Variants in GRIK1 observed in about 807,000 individuals in gnomAD.
GRIK1 encodes glutamate receptor ionotropic, kainate 1.
GRIK1 carries 69 observed loss-of-function variants against 105.7 expected under a neutral mutation model. The observed-to-expected ratio is 0.65, with a 90% CI of 0.54 to 0.80. The LOEUF (loss-of-function observed/expected upper bound fraction) is 0.80. GRIK1 is among the 30% of genes least tolerant of loss of function. GRIK1 has a pLI of 0.00. For missense variants in GRIK1, 1,109 were observed against 1,167.3 expected, an observed-to-expected ratio of 0.95 and a Z score of 0.73; for synonymous variants, 438 against 431.3, an observed-to-expected ratio of 1.02 and a Z score of -0.19.
At chr21:29,814,940 A>C (rs2067115218) in intron 1 of GRIK1, among the ~76,000 whole-genome samples, 1 of 152,116 alleles carries the variant, frequency 6.6e-6, no homozygotes, top group Non-Finnish European at 1.5e-5. Flanking sequence ...TGCAATCTTG[A>C]CCTGGTCACT....
At chr21:29,893,919 C>T (rs929825570) in intron 1 of GRIK1, among the ~76,000 whole-genome samples, 1 of 152,136 alleles carries the variant, frequency 6.6e-6, no homozygotes, top group Non-Finnish European at 1.5e-5. Flanking sequence ...GCAAACCCTT[C>T]AGGGAGGTGA....
chr21:29,609,186 T>G (rs920358162), intron 7 of GRIK1, among the ~76,000 whole-genome samples: 1 of 151,474 alleles, frequency 6.6e-6, no homozygotes, highest in African/African-American at 2.4e-5. Context: ...TTTACATATC[T>G]TATTAAAAGA....
At chr21:29,863,621 C>G (rs1382268001) in intron 1 of GRIK1, among the ~76,000 whole-genome samples, 1 of 152,108 alleles carries the variant, frequency 6.6e-6, no homozygotes, top group Non-Finnish European at 1.5e-5. Flanking sequence ...ACTTAGAAAC[C>G]ACGGACCTGC....
At chr21:29,721,601 C>CAA (rs140389060) in intron 1 of GRIK1, among the ~76,000 whole-genome samples, 2,308 of 137,230 alleles carry the variant, frequency 0.017, 59 homozygotes, top group African/African-American at 0.056. Context: ...GAATACATAC[C>CAA]AAAAAAAAAA....
At chr21:29,581,258 T>C (rs952255304) in intron 13 of GRIK1, among the ~76,000 whole-genome samples, 167 bp downstream of exon 13, 1 of 152,184 alleles carries the variant, frequency 6.6e-6, no homozygotes, top group East Asian at 1.9e-4. Flanking sequence ...ATATAGGTCA[T>C]TGGTTTTGCT....
At chr21:29,915,878 G>A (rs922363928) in intron 1 of GRIK1, among the ~76,000 whole-genome samples, 3 of 151,878 alleles carry the variant, frequency 2.0e-5, no homozygotes, top group Non-Finnish European at 4.4e-5. Context: ...TGTGGATCCT[G>A]AAAATTATTT....
chr21:29,872,841 C>T (rs948583091), intron 1 of GRIK1, among the ~76,000 whole-genome samples: 1 of 152,116 alleles, frequency 6.6e-6, no homozygotes, highest in Non-Finnish European at 1.5e-5. Flanking sequence ...CCACTGGGTC[C>T]CTTCCATGAC....
rs7279392 is a variant in GRIK1, at chr21:29,633,642, A to G, written c.1098+9184T>C. On this transcript the variant is annotated intron_variant, in intron 7 of 17. Transcript: ENST00000327783. Reference sequence around the variant, plus strand: ...CAAAACCTATGTAATTGGTAAAAATATAAACGATGAACCTTTAGAAACTAA... The same window carrying G: ...CAAAACCTATGTAATTGGTAAAAATGTAAACGATGAACCTTTAGAAACTAA... Among the ~76,000 whole-genome samples, 703 of 152,348 alleles carry G rather than the reference A, an allele frequency of 4.6e-3. 5 individuals carry two copies. Among genetic ancestry groups the G allele is most frequent in the African/African-American group, 0.016 (667 of 41,582 alleles).
chr21:29,587,689 C>G lies in GRIK1; in HGVS notation c.1570-100G>C, dbSNP rs150214906. On this transcript the variant is annotated intron_variant, in intron 11 of 17. Coordinates refer to ENST00000327783, the MANE Select transcript of GRIK1 (RefSeq NM_001330994.2). ...TGATTCTTATTCTCAACTCTAAATGCTTCTCATTCATGAAGCTCCTGTGAT... is the reference window on the plus strand; with the variant it reads ...TGATTCTTATTCTCAACTCTAAATGGTTCTCATTCATGAAGCTCCTGTGAT... The G allele has an allele frequency of 4.2e-5, 28 of 665,728 alleles. No homozygotes were observed. In the African/African-American group the frequency reaches 5.1e-4, roughly 12 times the overall value. The allele number at this position is 665,728 out of a possible 1,614,324, so 41.2% of individuals were successfully genotyped here. A position where few individuals can be genotyped will look rare whatever the true frequency, so the allele number is the denominator to read the frequency against.
At chr21:29,923,070 A>G (rs2071242189) in intron 1 of GRIK1, among the ~76,000 whole-genome samples, 1 of 152,182 alleles carries the variant, frequency 6.6e-6, no homozygotes. Flanking sequence ...TTATGCAAAA[A>G]TGAGTCTTTC....
intron 4 of GRIK1, among the ~76,000 whole-genome samples, chr21:29,667,596 GTGT>G (rs1468402589): frequency 6.6e-6 from 1 of 152,158 alleles, no homozygotes; most frequent in Non-Finnish European, 1.5e-5. Flanking sequence ...ATTGCCACTA[GTGT>G]TGTGGGAGAA....
At position 29,878,091 on chromosome 21, in the gene GRIK1, AG is replaced by A. The variant is rs540219948; in HGVS notation, c.118+61291del. Among the ~76,000 whole-genome samples, 205 of 152,298 alleles carry A rather than the reference AG, an allele frequency of 1.3e-3. 3 individuals are homozygous for A. The highest frequency in any genetic ancestry group is 4.7e-3 in the African/African-American group (195 of 41,576). On this transcript the variant is annotated intron_variant, in intron 1 of 17. Coordinates refer to ENST00000327783, the MANE Select transcript of GRIK1 (RefSeq NM_001330994.2). ...AGTTCTGTAGAGACAGGCTGAAGTA[AG>A]GGTATTTCTCCTTGAAATGAATGAG... is the stretch of plus-strand genomic sequence containing the variant.
chr21:29,625,244 A>G (rs948209529), intron 7 of GRIK1, among the ~76,000 whole-genome samples: 12 of 152,224 alleles, frequency 7.9e-5, no homozygotes, highest in African/African-American at 2.7e-4. Flanking sequence ...AATGCCTAAA[A>G]TGCAATCTTT....
chr21:29,587,518 G>A lies in GRIK1; in HGVS notation c.1641C>T (p.Pro547=), dbSNP rs2146278606. ...VREKVIDFSK[P]FMTLGISILY... is the part of the protein sequence containing the mutation. Reference sequence around the variant, plus strand: ...GAATGCTGATGCCTAGGGTCATGAAGGGTTTGGAGAAGTCAATGACTTTCT... The same window carrying A: ...GAATGCTGATGCCTAGGGTCATGAAAGGTTTGGAGAAGTCAATGACTTTCT... Residue 547 remains proline (P), a synonymous_variant, in exon 12 of 18, where the codon CCC becomes CCT. Coordinates refer to ENST00000327783, the MANE Select transcript of GRIK1 (RefSeq NM_001330994.2). The A allele has an allele frequency of 1.2e-6, 2 of 1,613,668 alleles. No homozygotes were observed. The highest frequency in any genetic ancestry group is 2.7e-5 in the African/African-American group (2 of 75,036).
At chr21:29,924,814 A>C (rs2071305843) in intron 1 of GRIK1, among the ~76,000 whole-genome samples, 1 of 152,164 alleles carries the variant, frequency 6.6e-6, no homozygotes. Flanking sequence ...TGGGTTTCTT[A>C]ATTTCATAGA....
At chr21:29,621,338 C>T (rs922872733) in intron 7 of GRIK1, among the ~76,000 whole-genome samples, 1 of 151,876 alleles carries the variant, frequency 6.6e-6, no homozygotes, top group African/African-American at 2.4e-5. Flanking sequence ...TGGCACCTGA[C>T]AGAAATCCTG....
At chr21:29,541,298 G>A (rs2089965346) in intron 16 of GRIK1, among the ~76,000 whole-genome samples, 1 of 152,246 alleles carries the variant, frequency 6.6e-6, no homozygotes, top group East Asian at 1.9e-4. Context: ...TTTAGAATTG[G>A]TGCCTGGTAT....
chr21:29,688,207 C>A (rs981388881), intron 3 of GRIK1, among the ~76,000 whole-genome samples: 1 of 152,100 alleles, frequency 6.6e-6, no homozygotes, highest in African/African-American at 2.4e-5. Flanking sequence ...AAAATATATA[C>A]CCACTCACTT....
intron 4 of GRIK1, among the ~76,000 whole-genome samples, chr21:29,660,343 T>C (rs1050715628): frequency 1.3e-5 from 2 of 152,188 alleles, no homozygotes; most frequent in Admixed American, 6.5e-5. Flanking sequence ...ACGTAGCTCA[T>C]AGGGGTCTAA....
Sources: allele counts gnomAD v4.1 joint callset (sites outside exome capture counted in the v4.1 genomes callset), GRCh38; gene constraint gnomAD v4.1.1; transcripts MANE v1.5; gene names NCBI Gene and HGNC (gene_info 2026-07-23, HGNC 2026-07-21).